The following AGBL1 variants were observed in gnomAD, a reference collection of about 807,000 sequenced individuals.
AGBL1 encodes the protein cytosolic carboxypeptidase 4.
In AGBL1, 130 loss-of-function variants were observed where a neutral mutation model predicts 118.9. The ratio of observed to expected loss-of-function variants is 1.09; its 90% CI spans 0.95 to 1.26. The LOEUF is 1.26. AGBL1 is among the 50% of genes most tolerant of loss of function. The probability of loss-of-function intolerance (pLI) is 0.00; values close to 1 mark genes in which losing one functional copy is unlikely to be tolerated. For synonymous variants in AGBL1, 555 were observed against 478.9 expected (o/e 1.16, Z -2.08); for missense variants, 1,584 against 1,298.1 (o/e 1.22, Z -3.38).
intron 22 of AGBL1, among the ~76,000 whole-genome samples, chr15:86,894,130 A>G (rs2080089753): frequency 6.6e-6 from 1 of 152,188 alleles, no homozygotes; most frequent in South Asian, 2.1e-4. Flanking sequence ...TGAAAGGAGG[A>G]AATAAAATCA....
At chr15:86,246,796 C>A (rs187745964) in intron 6 of AGBL1, among the ~76,000 whole-genome samples, 2 of 152,168 alleles carry the variant, frequency 1.3e-5, no homozygotes, top group African/African-American at 4.8e-5. Flanking sequence ...GAAAGGACAG[C>A]CAACATATCT....
intron 18 of AGBL1, among the ~76,000 whole-genome samples, chr15:86,479,009 C>T (rs1224794550): frequency 6.6e-6 from 1 of 152,144 alleles, no homozygotes; most frequent in East Asian, 1.9e-4. Flanking sequence ...ATAAATGGTG[C>T]TGGGAAAACT....
chr15:86,944,680 T>TAA (rs1463026299), intron 23 of AGBL1, among the ~76,000 whole-genome samples: 2 of 152,314 alleles, frequency 1.3e-5, no homozygotes, highest in African/African-American at 4.8e-5. Context: ...TTTAATGCCT[T>TAA]CATTCATGAA....
chr15:86,881,857 T>G (rs1235353910), intron 22 of AGBL1, among the ~76,000 whole-genome samples: 1 of 152,138 alleles, frequency 6.6e-6, no homozygotes, highest in Admixed American at 6.6e-5. Context: ...GCTTACATAC[T>G]TTTAAATAAA....
chr15:86,213,125 G>A lies in AGBL1; in HGVS notation c.489-11789G>A, dbSNP rs372341245. 3.2e-4 allele frequency among the ~76,000 whole-genome samples: 48 copies of A among 152,288 alleles called. 1 individual carries two copies. The South Asian group carries it at 6.0e-3, about 19-fold the overall frequency. ...ATAACTGCCCTTACTGTCTGGAACC[G>A]CAGACCTTAGTTAGGAAAGAGTTCC... On this transcript the variant is annotated intron_variant, in intron 5 of 22. Coordinates refer to ENST00000614907, the MANE Select transcript of AGBL1 (RefSeq NM_001386094.1).
At chr15:86,514,761 T>A (rs2083097930) in intron 18 of AGBL1, among the ~76,000 whole-genome samples, 2 of 152,150 alleles carry the variant, frequency 1.3e-5, no homozygotes, top group African/African-American at 4.8e-5. Flanking sequence ...CCATCAGTCT[T>A]ATTAGTTTCT....
Position 86,619,932 on chromosome 15 carries a change from A to G in AGBL1, c.2995-54341A>G, listed in dbSNP as rs781607503. 1.3e-4 allele frequency among the ~76,000 whole-genome samples: 20 copies of G among 152,228 alleles called. 1 individual carries two copies. Among genetic ancestry groups the G allele is most frequent in the Non-Finnish European group, 2.1e-4 (14 of 68,038 alleles). On this transcript the variant is annotated intron_variant, in intron 21 of 22. Coordinates refer to ENST00000614907, the MANE Select transcript of AGBL1 (RefSeq NM_001386094.1). ...CAAGAGTCTACTCCTGGATATTCCT[A>G]TAACAGAGCTAAGTCACACTGCTGC...
At chr15:86,701,351 G>T (rs2086354905) in intron 22 of AGBL1, among the ~76,000 whole-genome samples, 1 of 152,048 alleles carries the variant, frequency 6.6e-6, no homozygotes, top group Non-Finnish European at 1.5e-5. Context: ...CTGGTTGTGT[G>T]TGTTCATAAT....
chr15:86,678,252 G>A (rs2085885924), intron 22 of AGBL1, among the ~76,000 whole-genome samples: 1 of 151,962 alleles, frequency 6.6e-6, no homozygotes, highest in African/African-American at 2.4e-5. Flanking sequence ...TTTACCTATG[G>A]ATAAATAGAC....
At chr15:86,994,104 C>T (rs1353131553) in intron 24 of AGBL1, among the ~76,000 whole-genome samples, 1 of 152,080 alleles carries the variant, frequency 6.6e-6, no homozygotes, top group Non-Finnish European at 1.5e-5. Context: ...CCTATGGAGA[C>T]CACTGAAAGA....
chr15:86,574,570 A>ATTTTTTTTTTT (rs776642678), intron 21 of AGBL1, among the ~76,000 whole-genome samples: 16 of 83,792 alleles, frequency 1.9e-4, no homozygotes, highest in South Asian at 4.7e-4. Context: ...AAAAGTTTTA[A>ATTTTTTTTTTT]TTTTTTTTTT....
At chr15:86,572,118 A>T (rs2084018375) in intron 21 of AGBL1, among the ~76,000 whole-genome samples, 1 of 152,066 alleles carries the variant, frequency 6.6e-6, no homozygotes, top group Non-Finnish European at 1.5e-5. Context: ...TTACTCTGAG[A>T]TTGGAGTGGG....
At chr15:86,411,388 C>T (rs920451886) in intron 18 of AGBL1, among the ~76,000 whole-genome samples, 24 of 152,172 alleles carry the variant, frequency 1.6e-4, no homozygotes, top group East Asian at 5.8e-4. Flanking sequence ...GAAAATTGCC[C>T]GAGAGCCTTC....
chr15:86,542,819 C>A (rs1010519607), intron 19 of AGBL1, among the ~76,000 whole-genome samples: 3 of 152,186 alleles, frequency 2.0e-5, no homozygotes, highest in Admixed American at 6.5e-5. Context: ...TCTACTTTAT[C>A]TGATAATTAA....
chr15:86,606,562 G>T lies in AGBL1; in HGVS notation c.2994+52025G>T, dbSNP rs2084580687. On this transcript the variant is annotated intron_variant, in intron 21 of 22. Coordinates refer to ENST00000614907, the MANE Select transcript of AGBL1 (RefSeq NM_001386094.1). ...TCTGAAATCTTGTTAAGAATAAAGT[G>T]AGAGTAAAATGGTGTTTAGAGACAA... Among the ~76,000 whole-genome samples, 4 of 152,148 alleles carry T rather than the reference G, an allele frequency of 2.6e-5. No individual in the cohort carries two copies. The South Asian group carries it at 6.2e-4, about 24-fold the overall frequency.
chr15:86,139,847 T>C (rs1048145243), intron 1 of AGBL1: 5 of 156,202 alleles, frequency 3.2e-5, no homozygotes, highest in African/African-American at 9.7e-5. Flanking sequence ...TAGAAGAAGG[T>C]GTTGGGTCTC....
chr15:86,693,301 G>A (rs912350999), intron 22 of AGBL1, among the ~76,000 whole-genome samples: 3 of 152,036 alleles, frequency 2.0e-5, no homozygotes, highest in African/African-American at 7.2e-5. Context: ...ACTCTTGCAG[G>A]AGTAAAGTGG....
At chr15:86,264,037 AT>A (rs2079033154) in intron 10 of AGBL1, among the ~76,000 whole-genome samples, 2 of 152,300 alleles carry the variant, frequency 1.3e-5, no homozygotes, top group Admixed American at 1.3e-4. Context: ...ACTGTTTTGC[AT>A]TGGACTAGAC....
chr15:86,844,430 T>C (rs951796569), intron 22 of AGBL1, among the ~76,000 whole-genome samples: 1 of 152,182 alleles, frequency 6.6e-6, no homozygotes, highest in Non-Finnish European at 1.5e-5. Flanking sequence ...GGTATCACCT[T>C]GTGGTTTTCA....
Sources: gnomAD v4.1 joint callset for allele counts (sites outside exome capture counted in the v4.1 genomes callset) on GRCh38, gnomAD v4.1.1 for gene constraint, MANE v1.5 for transcripts, NCBI Gene and HGNC (gene_info 2026-07-23, HGNC 2026-07-21) for gene names.